JAKMIP1: variants seen among roughly 807,000 people sequenced by gnomAD.
JAKMIP1 encodes the protein janus kinase and microtubule-interacting protein 1.
Under a neutral mutation model 113.0 loss-of-function variants are expected in JAKMIP1, and 33 were observed. The ratio of observed to expected loss-of-function variants is 0.29; its 90% CI spans 0.22 to 0.39. The LOEUF is 0.39. JAKMIP1 is among the 10% of genes least tolerant of loss of function. JAKMIP1 has a pLI of 1.00. For missense variants in JAKMIP1, 813 were observed against 1,080.5 expected, an observed-to-expected ratio of 0.75 and a Z score of 3.47; for synonymous variants, 480 against 459.9, an observed-to-expected ratio of 1.04 and a Z score of -0.56.
At chr4:6,110,101 G>A (rs1472711641) in intron 2 of JAKMIP1, among the ~76,000 whole-genome samples, 2 of 152,188 alleles carry the variant, frequency 1.3e-5, no homozygotes, top group Non-Finnish European at 2.9e-5. Context: ...CTGGCCTCGT[G>A]TGTGGGGCTA....
intron 1 of JAKMIP1, among the ~76,000 whole-genome samples, chr4:6,152,274 A>G (rs13122252): frequency 0.1 from 15,225 of 151,892 alleles, 788 homozygotes; most frequent in South Asian, 0.14. Flanking sequence ...TGAGGCCATG[A>G]CCTCCCACTG....
At chr4:6,073,620 A>G (rs1170095552) in intron 8 of JAKMIP1, among the ~76,000 whole-genome samples, 1 of 152,180 alleles carries the variant, frequency 6.6e-6, no homozygotes, top group Non-Finnish European at 1.5e-5. Flanking sequence ...GAAGAAGGAG[A>G]CACTCTGACT....
Position 6,031,712 on chromosome 4 carries a change from C to T in JAKMIP1, c.2380-1931G>A, listed in dbSNP as rs755132541. 3.3e-5 allele frequency among the ~76,000 whole-genome samples: 5 copies of T among 152,106 alleles called. No homozygotes were observed. Among genetic ancestry groups the T allele is most frequent in the Non-Finnish European group, 5.9e-5 (4 of 68,022 alleles). Reference sequence around the variant, plus strand: ...TGAGCTTTTGATTTCAGGATGATCACGGGGCAGCCAAACAGAATGGATTCC... The same window carrying T: ...TGAGCTTTTGATTTCAGGATGATCATGGGGCAGCCAAACAGAATGGATTCC... On this transcript the variant is annotated intron_variant, in intron 19 of 20. Coordinates refer to ENST00000409021, the MANE Select transcript of JAKMIP1 (RefSeq NM_001099433.2). This position sits in a 1 kb window ranked among gnomAD's most constrained non-coding sequence, Gnocchi z 4.4.
At chr4:6,099,727 AC>A (rs2108862140) in intron 3 of JAKMIP1, among the ~76,000 whole-genome samples, 1 of 152,124 alleles carries the variant, frequency 6.6e-6, no homozygotes, top group African/African-American at 2.4e-5. Context: ...CACCTGCAGA[AC>A]CTCCTTTAGC....
At chr4:6,132,517 C>T (rs896934787) in intron 1 of JAKMIP1, among the ~76,000 whole-genome samples, 1 of 151,872 alleles carries the variant, frequency 6.6e-6, no homozygotes, top group African/African-American at 2.4e-5. Context: ...TGGTGCACAC[C>T]GGTAGTCGCA....
In JAKMIP1 at chr4:6,042,371, C is replaced by A; in HGVS notation, c.2029-144G>T. 1 of 679,168 alleles carries A rather than the reference C, an allele frequency of 1.5e-6. No homozygotes were observed. Among genetic ancestry groups the A allele is most frequent in the Non-Finnish European group, 2.6e-6 (1 of 380,668 alleles). The allele number at this position is 679,168 out of a possible 1,614,324, so 42.1% of individuals were successfully genotyped here. A position where few individuals can be genotyped will look rare whatever the true frequency, so the allele number is the denominator to read the frequency against. On this transcript the variant is annotated intron_variant, in intron 16 of 20. Coordinates refer to ENST00000409021, the MANE Select transcript of JAKMIP1 (RefSeq NM_001099433.2). The surrounding 1 kb of genome is among the most constrained non-coding windows in gnomAD (Gnocchi z 5.2). ...TGGGTCAGGTCATGGCACACACATG[C>A]CTGATCTGTGGATGGCGTGGTTGTG...
chr4:6,105,760 G>C lies in JAKMIP1; in HGVS notation c.337C>G (p.Leu113Val). ...AKIKEGELQRLQATLNVLRDG... is the reference protein window; with the variant it reads ...AKIKEGELQRVQATLNVLRDG... Reference sequence around the variant, plus strand: ...CGCAGCACGTTCAGCGTGGCCTGCAGCCGCTGCAGCTCGCCCTCCTTGATC... The same window carrying C: ...CGCAGCACGTTCAGCGTGGCCTGCACCCGCTGCAGCTCGCCCTCCTTGATC... Residue 113 changes from leucine to valine, a missense_variant, in exon 3 of 21, where the codon CTG (leucine) becomes GTG (valine). Around this residue, in one of 2 missense-constraint regions of JAKMIP1, gnomAD observed 540 missense variants for 653.9 expected, o/e 0.83. Transcript: ENST00000409021. The C allele has an allele frequency of 6.2e-7, 1 of 1,603,974 alleles. No homozygotes were observed. Among genetic ancestry groups the C allele is most frequent in the Non-Finnish European group, 8.5e-7 (1 of 1,178,400 alleles).
rs1725695509 is a variant in JAKMIP1 at position 6,178,826 on chromosome 4, C to T, written c.-148+21427G>A. ...TGACCTCATCCCCACACAAACCTCC[C>T]CCATCTCCCAACCTCAGAGCACCTC... On this transcript the variant is annotated intron_variant, in intron 1 of 20. Coordinates refer to ENST00000409021, the MANE Select transcript of JAKMIP1 (RefSeq NM_001099433.2). This position sits in a 1 kb window ranked among gnomAD's most constrained non-coding sequence, Gnocchi z 5.5. 6.6e-6 allele frequency among the ~76,000 whole-genome samples: 1 copy of T among 152,212 alleles called. No individual in the cohort carries two copies. Among genetic ancestry groups the T allele is most frequent in the South Asian group, 2.1e-4 (1 of 4,834 alleles).
chr4:6,107,100 G>T (rs946152818), intron 2 of JAKMIP1, among the ~76,000 whole-genome samples: 16 of 152,226 alleles, frequency 1.1e-4, no homozygotes, highest in African/African-American at 3.6e-4. Flanking sequence ...TCATAGGAAT[G>T]AAGCCAGGCG....
rs75786713 is a variant in JAKMIP1 at position 6,047,192 on chromosome 4, A to G, written c.2028+1665T>C. On this transcript the variant is annotated intron_variant, in intron 16 of 20. Transcript: ENST00000409021. ...TGGCACGTGGTGTAGCCAAGACGCA[A>G]GCCAGGAGAGGCCTCCCCGACATCA... Among the ~76,000 whole-genome samples the G allele has an allele frequency of 5.7e-3, 873 of 152,342 alleles. 4 individuals carry two copies. Among genetic ancestry groups the G allele is most frequent in the Middle Eastern group, 0.014 (4 of 292 alleles).
In JAKMIP1 at chr4:6,189,229, T is replaced by C. The variant is rs1031087582; in HGVS notation, c.-148+11024A>G. Reference sequence around the variant, plus strand: ...GAACAGCATTCTAACATTTTTCTGCTGCCTTAAACTAAAAGCAGGCTGCAC... The same window carrying C: ...GAACAGCATTCTAACATTTTTCTGCCGCCTTAAACTAAAAGCAGGCTGCAC... On this transcript the variant is annotated intron_variant, in intron 1 of 20. Coordinates refer to ENST00000409021, the MANE Select transcript of JAKMIP1 (RefSeq NM_001099433.2). Among the ~76,000 whole-genome samples the C allele has an allele frequency of 4.6e-5, 7 of 152,262 alleles. No individual in the cohort carries two copies. In the South Asian group the frequency reaches 1.0e-3, roughly 23 times the overall value.
chr4:6,113,254 C>T (rs1329451070), intron 1 of JAKMIP1, among the ~76,000 whole-genome samples: 2 of 152,184 alleles, frequency 1.3e-5, no homozygotes, highest in South Asian at 2.1e-4. Flanking sequence ...GGTGACCACA[C>T]CTGGAATAGC....
At chr4:6,125,763 C>A (rs1011017040) in intron 1 of JAKMIP1, among the ~76,000 whole-genome samples, 1 of 141,462 alleles carries the variant, frequency 7.1e-6, no homozygotes, top group African/African-American at 2.7e-5. Flanking sequence ...CACACACGCA[C>A]ACCATACACA....
At chr4:6,077,682 C>A (rs746356637) in intron 8 of JAKMIP1, among the ~76,000 whole-genome samples, 4 of 151,654 alleles carry the variant, frequency 2.6e-5, no homozygotes, top group Non-Finnish European at 5.9e-5. Flanking sequence ...CAGGGTCTTG[C>A]TATGTTGCCC....
At chr4:6,189,979 GGA>G (rs1372796751) in intron 1 of JAKMIP1, among the ~76,000 whole-genome samples, 1 of 152,210 alleles carries the variant, frequency 6.6e-6, no homozygotes, top group Non-Finnish European at 1.5e-5. Flanking sequence ...CAAAATCAGA[GGA>G]GAGAAGAAAG....
chr4:6,177,102 T>C (rs1338609001), intron 1 of JAKMIP1, among the ~76,000 whole-genome samples: 1 of 152,164 alleles, frequency 6.6e-6, no homozygotes, highest in Non-Finnish European at 1.5e-5. Flanking sequence ...CATGTGACCA[T>C]GCCTAGACAC....
rs1727957240 is a variant in JAKMIP1, at chr4:6,197,269, C to T, written c.-148+2984G>A. On this transcript the variant is annotated intron_variant, in intron 1 of 20. Transcript: ENST00000409021. This position sits in a 1 kb window ranked among gnomAD's most constrained non-coding sequence, Gnocchi z 6.5. ...ACTGACCTAGCCTGGTCCCTCATACCTCTCAGCCCACCACAATGGTGGCCA... is the reference window on the plus strand; with the variant it reads ...ACTGACCTAGCCTGGTCCCTCATACTTCTCAGCCCACCACAATGGTGGCCA... Among the ~76,000 whole-genome samples the T allele has an allele frequency of 6.6e-6, 1 of 152,172 alleles. No homozygotes were observed. Among genetic ancestry groups the T allele is most frequent in the South Asian group, 2.1e-4 (1 of 4,818 alleles).
rs542813058 is a variant in JAKMIP1 at position 6,042,341 on chromosome 4, A to G, written c.2029-114T>C. ...AGATCGGCTTCCTCAGAGTGTGCTC[A>G]GGAATGGGTCAGGTCATGGCACACA... On this transcript the variant is annotated intron_variant, in intron 16 of 20. Coordinates refer to ENST00000409021, the MANE Select transcript of JAKMIP1 (RefSeq NM_001099433.2). This position sits in a 1 kb window ranked among gnomAD's most constrained non-coding sequence, Gnocchi z 5.2. 1.2e-6 allele frequency: 1 copy of G among 831,328 alleles called. No homozygotes were observed. Among genetic ancestry groups the G allele is most frequent in the East Asian group, 2.5e-5 (1 of 40,582 alleles). The allele number at this position is 831,328 out of a possible 1,614,324, so 51.5% of individuals were successfully genotyped here.
chr4:6,118,745 G>C (rs930131184), intron 1 of JAKMIP1, among the ~76,000 whole-genome samples: 1 of 152,052 alleles, frequency 6.6e-6, no homozygotes, highest in Non-Finnish European at 1.5e-5. Flanking sequence ...GGCAAGCGCA[G>C]AGCTCTGGTT....
Sources: gnomAD v4.1 joint callset for allele counts (sites outside exome capture counted in the v4.1 genomes callset) on GRCh38, gnomAD v4.1.1 for gene constraint, gnomAD v4.1.1 regional missense constraint, Gnocchi (gnomAD v3.1) non-coding constraint, MANE v1.5 for transcripts, NCBI Gene and HGNC (gene_info 2026-07-23, HGNC 2026-07-21) for gene names.